Variants in CTNNA2 observed in about 807,000 individuals in gnomAD.
CTNNA2 encodes catenin alpha 2.
A neutral mutation model predicts 101.0 loss-of-function variants in CTNNA2; 42 were observed. The observed-to-expected ratio is 0.42, with a 90% confidence interval of 0.32 to 0.54. The LOEUF is 0.54. Ranked by LOEUF, CTNNA2 falls within the 20% of genes least tolerant of loss-of-function variation. The probability of loss-of-function intolerance (pLI) is 0.14; values close to 1 mark genes in which losing one functional copy is unlikely to be tolerated. For missense variants in CTNNA2, 871 were observed against 1,223.1 expected (o/e 0.71, Z 4.29); for synonymous variants, 450 against 456.4 (o/e 0.99, Z 0.18).
At chr2:79,608,774 A>G (rs1158293329) in intron 1 of CTNNA2, among the ~76,000 whole-genome samples, 2 of 152,116 alleles carry the variant, frequency 1.3e-5, no homozygotes, top group African/African-American at 4.8e-5. Flanking sequence ...GAACATCTAC[A>G]TAAATCCTTC....
intron 14 of CTNNA2, among the ~76,000 whole-genome samples, chr2:80,583,814 C>G (rs990175564): frequency 6.6e-6 from 1 of 152,102 alleles, no homozygotes; most frequent in Non-Finnish European, 1.5e-5. Context: ...AATTTGGAGA[C>G]TCCTGTCTTT....
chr2:80,056,196 C>T (rs535026964), intron 7 of CTNNA2, among the ~76,000 whole-genome samples: 11 of 152,076 alleles, frequency 7.2e-5, no homozygotes, highest in African/African-American at 2.2e-4. Flanking sequence ...CTCTTGCTGG[C>T]GGAAAGAGAA....
intron 7 of CTNNA2, among the ~76,000 whole-genome samples, chr2:80,268,970 T>C (rs1673231417): frequency 1.3e-5 from 2 of 152,124 alleles, no homozygotes; most frequent in Admixed American, 6.5e-5. Context: ...GCAAAGTTCA[T>C]GCAAGTGAGA....
At chr2:79,347,390 G>A (rs534093027) in intron 3 of CTNNA2, among the ~76,000 whole-genome samples, 1 of 152,200 alleles carries the variant, frequency 6.6e-6, no homozygotes, top group South Asian at 2.1e-4. Flanking sequence ...GTTTGTTCAA[G>A]GTTAAATGAA....
At position 80,408,249 on chromosome 2, in the gene CTNNA2, A is replaced by T. The variant is rs76817802; in HGVS notation, c.1138-11200A>T. ...GGACTTGTGCTGTAATGTGGAATGCATGACATGTGGAAGTACAGGCCAGGT... is the reference window on the plus strand; with the variant it reads ...GGACTTGTGCTGTAATGTGGAATGCTTGACATGTGGAAGTACAGGCCAGGT... On this transcript the variant is annotated intron_variant, in intron 8 of 18. Transcript: ENST00000402739. Among the ~76,000 whole-genome samples, 776 of 152,298 alleles carry T rather than the reference A, an allele frequency of 5.1e-3. 6 individuals are homozygous for T. Among genetic ancestry groups the T allele is most frequent in the African/African-American group, 0.018 (731 of 41,572 alleles).
intron 7 of CTNNA2, among the ~76,000 whole-genome samples, chr2:80,175,086 C>T (rs1383935330): frequency 1.3e-5 from 2 of 152,228 alleles, no homozygotes; most frequent in African/African-American, 4.8e-5. Flanking sequence ...AGACTGACTT[C>T]ACCTCTGGCC....
At chr2:80,491,470 G>T (rs1687056847) in intron 9 of CTNNA2, among the ~76,000 whole-genome samples, 2 of 152,132 alleles carry the variant, frequency 1.3e-5, no homozygotes, top group South Asian at 4.1e-4. Context: ...AATGAAGGTA[G>T]GATTTATGGT....
rs373660409 is a variant in CTNNA2, at chr2:79,992,896, A to G, written c.1056+83099A>G. Among the ~76,000 whole-genome samples, 55 of 152,302 alleles carry G rather than the reference A, an allele frequency of 3.6e-4. No homozygotes were observed. The South Asian group carries it at 7.5e-3, about 21-fold the overall frequency. The stretch of plus-strand genomic sequence containing the variant: ...GAAAGTAGGACTATAACCAAACACT[A>G]TCTTCTGGCTCTTCACTCTGTGAGG... On this transcript the variant is annotated intron_variant, in intron 7 of 18. Transcript: ENST00000402739.
Position 80,529,924 on chromosome 2 carries a change from G to A in CTNNA2, c.1291-15058G>A, listed in dbSNP as rs1233670745. ...TGAGGCACATTTGAAGGGCACCATG[G>A]GGCTTGGCCTGCTCCTACGGGTGTT... is the stretch of plus-strand genomic sequence containing the variant. On this transcript the variant is annotated intron_variant, in intron 9 of 18. Coordinates refer to ENST00000402739, the MANE Select transcript of CTNNA2 (RefSeq NM_001282597.3). Among the ~76,000 whole-genome samples the A allele has an allele frequency of 4.6e-5, 7 of 152,096 alleles. No individual in the cohort carries two copies. The East Asian group carries it at 1.2e-3, about 25-fold the overall frequency.
At chr2:79,504,430 C>T (rs968391738) in intron 4 of CTNNA2, among the ~76,000 whole-genome samples, 2 of 152,096 alleles carry the variant, frequency 1.3e-5, no homozygotes, top group Non-Finnish European at 2.9e-5. Context: ...GCTGGGACTA[C>T]AGGCACATGC....
At chr2:79,835,214 A>C (rs1413986260) in intron 3 of CTNNA2, among the ~76,000 whole-genome samples, 2 of 152,206 alleles carry the variant, frequency 1.3e-5, no homozygotes, top group Non-Finnish European at 2.9e-5. Flanking sequence ...TCGCCTTAAA[A>C]TCTGAACAGA....
intron 2 of CTNNA2, among the ~76,000 whole-genome samples, chr2:79,291,512 C>T (rs1161447524): frequency 6.6e-6 from 1 of 152,172 alleles, no homozygotes; most frequent in East Asian, 1.9e-4. Flanking sequence ...CATCCACTTC[C>T]CCTGTTCTTC....
chr2:79,765,875 C>T (rs941680296), intron 3 of CTNNA2, among the ~76,000 whole-genome samples: 6 of 152,326 alleles, frequency 3.9e-5, no homozygotes, highest in Admixed American at 3.9e-4. Flanking sequence ...TTGCCCTTCT[C>T]CCATTGCCTA....
intron 13 of CTNNA2, among the ~76,000 whole-genome samples, chr2:80,575,633 A>C (rs1694977835): frequency 6.6e-6 from 1 of 152,166 alleles, no homozygotes; most frequent in African/African-American, 2.4e-5. Context: ...TTTGGTACTA[A>C]ATCCCACTGT....
chr2:79,458,666 AG>A (rs892606718), intron 4 of CTNNA2, among the ~76,000 whole-genome samples: 2 of 152,222 alleles, frequency 1.3e-5, no homozygotes, highest in Non-Finnish European at 2.9e-5. Flanking sequence ...GAAAAATAAA[AG>A]TTTATTGTAT....
rs142945238 is a variant in CTNNA2, at chr2:79,663,539, C to T, written c.102+11881C>T. Among the ~76,000 whole-genome samples, 341 of 152,258 alleles carry T rather than the reference C, an allele frequency of 2.2e-3. 1 individual carries two copies. The highest frequency in any genetic ancestry group is 7.8e-3 in the African/African-American group (325 of 41,560). On this transcript the variant is annotated intron_variant, in intron 2 of 18. Coordinates refer to ENST00000402739, the MANE Select transcript of CTNNA2 (RefSeq NM_001282597.3). ...GTGCATGCTGCTCTCTCTGCATGGG[C>T]GGATGCTGCCCTTCTACTGCTGTGA...
At chr2:79,715,205 CAA>C (rs140432724) in intron 2 of CTNNA2, among the ~76,000 whole-genome samples, 1,790 of 66,226 alleles carry the variant, frequency 0.027, 35 homozygotes, top group African/African-American at 0.11. Flanking sequence ...AAAATTCCGT[CAA>C]AAAAAAAAAA....
intron 1 of CTNNA2, among the ~76,000 whole-genome samples, chr2:79,617,632 A>T (rs1032752949): frequency 6.6e-6 from 1 of 152,062 alleles, no homozygotes; most frequent in Non-Finnish European, 1.5e-5. Flanking sequence ...AATTTTTTTC[A>T]TATTTCTGAA....
chr2:80,058,579 G>A (rs376191248), intron 7 of CTNNA2, among the ~76,000 whole-genome samples: 41 of 152,302 alleles, frequency 2.7e-4, no homozygotes, highest in East Asian at 9.7e-4. Flanking sequence ...ACTTATAGGC[G>A]TAAAAGCAAT....
Sources: allele counts gnomAD v4.1 joint callset (sites outside exome capture counted in the v4.1 genomes callset), GRCh38; gene constraint gnomAD v4.1.1; transcripts MANE v1.5; gene names NCBI Gene and HGNC (gene_info 2026-07-23, HGNC 2026-07-21).